KIF1C: variants seen among roughly 807,000 people sequenced by gnomAD.
The protein encoded by KIF1C is kinesin family member 1C.
A neutral mutation model predicts 126.5 loss-of-function variants in KIF1C; 61 were observed. The observed-to-expected ratio is 0.48, with a 90% CI of 0.39 to 0.60. The LOEUF is 0.60. Among genes scored for constraint, KIF1C ranks in the 20% least tolerant of loss-of-function variants. The probability of loss-of-function intolerance (pLI) is 0.00; values close to 1 mark genes in which losing one functional copy is unlikely to be tolerated. For missense variants in KIF1C, 1,315 were observed against 1,489.2 expected, an observed-to-expected ratio of 0.88 and a Z score of 1.93; for synonymous variants, 640 against 580.6, an observed-to-expected ratio of 1.10 and a Z score of -1.47.
rs571309213 is a variant in KIF1C, at chr17:5,004,108, A to G, written c.940+35A>G. ...TCTTCCTCTTTCTCTGCCGACCCTG[A>G]CACATCCCACAAACTCTTTTGATAC... On this transcript the variant is annotated intron_variant, in intron 11 of 22. Transcript: ENST00000320785. 11 of 1,384,968 alleles carry G rather than the reference A, an allele frequency of 7.9e-6. No homozygotes were observed. In the East Asian group the frequency reaches 2.5e-4, roughly 32 times the overall value. The allele number at this position is 1,384,968 out of a possible 1,614,324, so 85.8% of individuals were successfully genotyped here.
chr17:5,002,910 G>A lies in KIF1C; in HGVS notation c.720+68G>A, dbSNP rs1366829109. Reference sequence around the variant, plus strand: ...CCCCTGGCAACAGGGACAGTGACATGGTAGAAGGGTCTTGGGCCCTCCCTG... The same window carrying A: ...CCCCTGGCAACAGGGACAGTGACATAGTAGAAGGGTCTTGGGCCCTCCCTG... On this transcript the variant is annotated intron_variant, in intron 8 of 22. Transcript: ENST00000320785. 4 of 1,305,596 alleles carry A rather than the reference G, an allele frequency of 3.1e-6. No homozygotes were observed. In the African/African-American group the frequency reaches 5.9e-5, roughly 19 times the overall value. 80.9% of individuals were successfully genotyped at this position (1,305,596 alleles called of 1,614,324 possible).
chr17:5,025,227 ACTGT>A lies in KIF1C; in HGVS notation c.*1081_*1084del, dbSNP rs1280514830. The A allele has an allele frequency of 1.3e-5, 2 of 152,318 alleles. No individual in the cohort carries two copies. Among genetic ancestry groups the A allele is most frequent in the Non-Finnish European group, 1.5e-5 (1 of 68,130 alleles). 9.4% of individuals were successfully genotyped at this position (152,318 alleles called of 1,614,324 possible). A position where few individuals can be genotyped will look rare whatever the true frequency, so the allele number is the denominator to read the frequency against. Reference sequence around the variant, plus strand: ...TGTCTCAGTCTGTGCCAGCAGCACCACTGTCTGTTATGGACAAAGCACAGAAGCG... The same window carrying A: ...TGTCTCAGTCTGTGCCAGCAGCACCACTGTTATGGACAAAGCACAGAAGCG... On this transcript the variant is annotated 3_prime_UTR_variant, in exon 23 of 23. Coordinates refer to ENST00000320785, the MANE Select transcript of KIF1C (RefSeq NM_006612.6).
intron 4 of KIF1C, 134 bp from the exon 5 acceptor site, chr17:5,001,088 A>G (rs1974578966): frequency 4.0e-6 from 4 of 1,010,526 alleles, no homozygotes; most frequent in Non-Finnish European, 6.0e-6. Flanking sequence ...TGGTAAGGAC[A>G]ATGATGAGGG....
chr17:5,014,985 C>T (rs931710019), intron 18 of KIF1C, 148 bp downstream of exon 18: 1 of 658,340 alleles, frequency 1.5e-6, no homozygotes, highest in Non-Finnish European at 2.6e-6. Context: ...GGGCTTGGGG[C>T]TCATGGGTAT....
At chr17:5,000,994 T>G in intron 4 of KIF1C, 146 bp downstream of exon 4, 1 of 958,372 alleles carries the variant, frequency 1.0e-6, no homozygotes, top group Non-Finnish European at 1.6e-6. Context: ...GGTAGGACCC[T>G]TAGGCTGTGA....
At chr17:5,015,357 C>T (rs1320506619) in intron 18 of KIF1C, among the ~76,000 whole-genome samples, 7 of 151,884 alleles carry the variant, frequency 4.6e-5, no homozygotes, top group African/African-American at 1.2e-4. Context: ...GATCTGGGCT[C>T]ACTGCAGCCT....
At position 5,024,164 on chromosome 17, in the gene KIF1C, G is replaced by A. The variant is rs750882912; in HGVS notation, c.*13G>A. 14 of 1,583,412 alleles carry A rather than the reference G, an allele frequency of 8.8e-6. No homozygotes were observed. Among genetic ancestry groups the A allele is most frequent in the Non-Finnish European group, 1.2e-5 (14 of 1,164,622 alleles). Reference sequence around the variant, plus strand: ...GGCAGCTGTGTGAGTCCCACATCCTGGGCAGAGGGCCTGGTGGGGCCCCTT... The same window carrying A: ...GGCAGCTGTGTGAGTCCCACATCCTAGGCAGAGGGCCTGGTGGGGCCCCTT... On this transcript the variant is annotated 3_prime_UTR_variant, in exon 23 of 23. Transcript: ENST00000320785.
intron 1 of KIF1C, among the ~76,000 whole-genome samples, chr17:4,998,511 T>C (rs1332956100): frequency 1.3e-5 from 2 of 152,152 alleles, no homozygotes; most frequent in Non-Finnish European, 2.9e-5. Context: ...CCGACCCCTG[T>C]CCCTACCTCT....
intron 21 of KIF1C, among the ~76,000 whole-genome samples, chr17:5,021,792 GTCTT>G: frequency 6.6e-6 from 1 of 152,082 alleles, no homozygotes; most frequent in East Asian, 1.9e-4. Context: ...GGTCTTTTAA[GTCTT>G]GCACAAAGTT....
At position 5,022,608 on chromosome 17, in the gene KIF1C, A is replaced by T. The variant is rs1975119152; in HGVS notation, c.2527A>T (p.Ile843Phe). Residue 843 changes from isoleucine to phenylalanine, a missense_variant, in exon 22 of 23, where the codon ATT becomes TTT. By Grantham distance (21) the Ile-to-Phe change is conservative. Coordinates refer to ENST00000320785, the MANE Select transcript of KIF1C (RefSeq NM_006612.6). The surrounding 1 kb of genome is among the most constrained non-coding windows in gnomAD (Gnocchi z 4.9). ...LRAHIDKLTG[I>F]LQEVKLQNSS... ...GGCCCACATCGACAAGCTGACGGGG[A>T]TTCTGCAGGAGGTGAAGCTGCAGAA... is the stretch of plus-strand genomic sequence containing the variant. 6.2e-7 allele frequency: 1 copy of T among 1,606,952 alleles called. No homozygotes were observed. The highest frequency in any genetic ancestry group is 1.3e-5 in the African/African-American group (1 of 74,840).
At chr17:5,014,055 C>A in intron 17 of KIF1C, 1 of 319,934 alleles carries the variant, frequency 3.1e-6, no homozygotes, top group Non-Finnish European at 5.7e-6. Context: ...TCCCTGGGGG[C>A]GGGAGAAGGG....
In KIF1C at chr17:4,999,955, G is replaced by T; in HGVS notation, c.-43G>T. 1 of 422,008 alleles carries T rather than the reference G, an allele frequency of 2.4e-6. No individual in the cohort carries two copies. Among genetic ancestry groups the T allele is most frequent in the Non-Finnish European group, 4.4e-6 (1 of 228,142 alleles). The allele number at this position is 422,008 out of a possible 1,614,324, so 26.1% of individuals were successfully genotyped here. A position where few individuals can be genotyped will look rare whatever the true frequency, so the allele number is the denominator to read the frequency against. On this transcript the variant is annotated 5_prime_UTR_variant, in exon 2 of 23. Coordinates refer to ENST00000320785, the MANE Select transcript of KIF1C (RefSeq NM_006612.6). Reference sequence around the variant, plus strand: ...AGAACTGATACAGCCCCCCTGGTCTGGGGCCAGGACGCCAGGTAACTGGGG... The same window carrying T: ...AGAACTGATACAGCCCCCCTGGTCTTGGGCCAGGACGCCAGGTAACTGGGG...
At chr17:5,013,895 A>AGTTG (rs1974918957) in intron 17 of KIF1C, among the ~76,000 whole-genome samples, 163 bp downstream of exon 17, 1 of 151,982 alleles carries the variant, frequency 6.6e-6, no homozygotes, top group Admixed American at 6.6e-5. Flanking sequence ...CTTCAAGAGA[A>AGTTG]GCGTGCCTGC....
chr17:5,014,464 T>C (rs900652873), intron 17 of KIF1C, among the ~76,000 whole-genome samples: 16 of 151,866 alleles, frequency 1.1e-4, no homozygotes, highest in Non-Finnish European at 1.5e-4. Flanking sequence ...CAGCCCTGCA[T>C]GCTCTCCCAG....
intron 13 of KIF1C, 122 bp downstream of exon 13, chr17:5,005,122 T>A (rs1008523581): frequency 8.2e-7 from 1 of 1,223,810 alleles, no homozygotes; most frequent in Non-Finnish European, 1.2e-6. Flanking sequence ...TTTCATGTGC[T>A]CAGTGACGTG....
In KIF1C at chr17:5,003,652, G is replaced by A. The variant is rs780225611; in HGVS notation, c.761G>A (p.Arg254Gln). ...ISLVDLAGSE[R>Q]ADSSGARGMR... ...TTGGTGGACCTTGCTGGGAGTGAGC[G>A]AGCCGACTCCTCAGGGGCCCGGGGC... Residue 254 changes from arginine to glutamine, a missense_variant, in exon 9 of 23, where the codon CGA becomes CAA. Physicochemically the swap from Arg to Gln is conservative, Grantham distance 43. Around this residue, in one of 2 missense-constraint regions of KIF1C, gnomAD observed 874 missense variants for 1,053.2 expected, o/e 0.83. Transcript: ENST00000320785. 4 of 1,613,750 alleles carry A rather than the reference G, an allele frequency of 2.5e-6. No homozygotes were observed. The highest frequency in any genetic ancestry group is 1.3e-5 in the African/African-American group (1 of 75,016).
chr17:5,003,054 T>TA (rs1224886187), intron 8 of KIF1C, among the ~76,000 whole-genome samples: 7 of 150,404 alleles, frequency 4.7e-5, no homozygotes, highest in Admixed American at 4.6e-4. Flanking sequence ...TTTTTTTTTT[T>TA]AAGACAGAGT....
chr17:5,022,634 C>T lies in KIF1C; in HGVS notation c.2553C>T (p.Asn851=), dbSNP rs763051438. ...TGILQEVKLQ[N]SSKDRELQAL... is the part of the protein sequence containing the mutation. ...TTCTGCAGGAGGTGAAGCTGCAGAA[C>T]AGCAGCAAGGACCGGGAGCTGCAGG... Residue 851 remains asparagine (N), a synonymous_variant, in exon 22 of 23, where the codon AAC becomes AAT. Transcript: ENST00000320785. The surrounding 1 kb of genome is among the most constrained non-coding windows in gnomAD (Gnocchi z 4.9). 3.1e-6 allele frequency: 5 copies of T among 1,605,314 alleles called. No homozygotes were observed. The highest frequency in any genetic ancestry group is 1.1e-5 in the South Asian group (1 of 89,688).
intron 8 of KIF1C, 133 bp downstream of exon 8, chr17:5,002,975 C>T (rs770487259): frequency 8.3e-4 from 540 of 653,992 alleles, no homozygotes; most frequent in Non-Finnish European, 9.6e-4. Flanking sequence ...CTACCATGAC[C>T]GCGCCCCACC....
Sources: gnomAD v4.1 joint callset for allele counts (sites outside exome capture counted in the v4.1 genomes callset) on GRCh38, gnomAD v4.1.1 for gene constraint, gnomAD v4.1.1 regional missense constraint, Gnocchi (gnomAD v3.1) non-coding constraint, MANE v1.5 for transcripts, NCBI Gene and HGNC (gene_info 2026-07-23, HGNC 2026-07-21) for gene names.